TLE7: variants seen among roughly 807,000 people sequenced by gnomAD.
The protein encoded by TLE7 is TLE family member 7.
intron 1 of TLE7, among the ~76,000 whole-genome samples, chr16:71,440,696 C>T (rs2042843901): frequency 6.6e-6 from 1 of 152,282 alleles, no homozygotes; most frequent in African/African-American, 2.4e-5. Context: ...TGTCCCAGCC[C>T]GGAGGCTATG....
rs2042805347 is a variant in TLE7 at position 71,431,836 on chromosome 16, G to A, written c.776C>T (p.Ser259Phe). 2 of 400,700 alleles carry A rather than the reference G, an allele frequency of 5.0e-6. No individual in the cohort carries two copies. The highest frequency in any genetic ancestry group is 2.1e-5 in the African/African-American group (1 of 48,680). 24.8% of individuals were successfully genotyped at this position (400,700 alleles called of 1,614,324 possible). A position where few individuals can be genotyped will look rare whatever the true frequency, so the allele number is the denominator to read the frequency against. ...ACAAGCCAAACAGATATGGGCATCA[G>A]AGGAGACAGCCAGAGAATAGCACGT... ...GPTCYSLAVS[S>F]DAHICLACFH... is the part of the protein sequence containing the mutation. The change falls in exon 6 of 10, where the codon TCT becomes TTT. Residue 259 changes from serine to phenylalanine, a missense_variant. Transcript: ENST00000561754. The surrounding 1 kb of genome is among the most constrained non-coding windows in gnomAD (Gnocchi z 4.5).
intron 1 of TLE7, among the ~76,000 whole-genome samples, chr16:71,435,411 A>AAAAT (rs1440894359): frequency 7.0e-4 from 107 of 151,944 alleles, no homozygotes; most frequent in African/African-American, 2.5e-3. Context: ...ACTCTGTCTC[A>AAAAT]AAATAAATAA....
intron 1 of TLE7, among the ~76,000 whole-genome samples, chr16:71,435,511 T>C (rs1438444779): frequency 1.3e-5 from 2 of 152,230 alleles, no homozygotes; most frequent in Non-Finnish European, 2.9e-5. Flanking sequence ...AACTGCAATG[T>C]TCAGAAAAAT....
chr16:71,434,768 A>C (rs1019021743), intron 1 of TLE7, among the ~76,000 whole-genome samples: 1 of 152,238 alleles, frequency 6.6e-6, no homozygotes, highest in African/African-American at 2.4e-5. Flanking sequence ...CCTGTCCTGC[A>C]TAGCTCTAAA....
At position 71,432,106 on chromosome 16, in the gene TLE7, T is replaced by G; in HGVS notation, c.609+4A>C. The G allele has an allele frequency of 2.5e-6, 1 of 401,206 alleles. No homozygotes were observed. The highest frequency in any genetic ancestry group is 1.3e-4 in the South Asian group (1 of 7,954). 24.9% of individuals were successfully genotyped at this position (401,206 alleles called of 1,614,324 possible). On this transcript the variant is annotated splice_donor_region_variant and intron_variant, in intron 5 of 9. Coordinates refer to ENST00000561754, the MANE Select transcript of TLE7 (RefSeq NM_001367365.2). ...CCCTGAGTCCTGCTTTGGATCTCCC[T>G]CACCTGCAAGTCCAGCTGGGCCCGA...
chr16:71,432,586 G>A (rs2042810416), intron 4 of TLE7, 79 bp downstream of exon 4: 2 of 398,628 alleles, frequency 5.0e-6, no homozygotes, highest in South Asian at 1.3e-4. Flanking sequence ...GGGAGAGAGA[G>A]TGAAAGTGTG....
At chr16:71,438,309 A>G (rs927717784) in intron 1 of TLE7, among the ~76,000 whole-genome samples, 1 of 151,750 alleles carries the variant, frequency 6.6e-6, no homozygotes, top group African/African-American at 2.4e-5. Flanking sequence ...CATGCCTATC[A>G]TCCCAGCTAC....
In TLE7 at chr16:71,430,061, A is replaced by G. The variant is rs2042795444; in HGVS notation, c.*201T>C. On this transcript the variant is annotated 3_prime_UTR_variant, in exon 10 of 10. Coordinates refer to ENST00000561754, the MANE Select transcript of TLE7 (RefSeq NM_001367365.2). ...AAACCCAGAAATCAGTGGTAGGAAG[A>G]TAACAAAGGAAAAAGCTCCAAGCCA... Among the ~76,000 whole-genome samples the G allele has an allele frequency of 6.6e-6, 1 of 152,222 alleles. No homozygotes were observed. The highest frequency in any genetic ancestry group is 2.1e-4 in the South Asian group (1 of 4,832).
At chr16:71,440,147 G>T (rs1351448842) in intron 1 of TLE7, among the ~76,000 whole-genome samples, 1 of 152,192 alleles carries the variant, frequency 6.6e-6, no homozygotes, top group Non-Finnish European at 1.5e-5. Context: ...ATCCACAAAA[G>T]GCCAGTCCTT....
intron 1 of TLE7, among the ~76,000 whole-genome samples, chr16:71,440,477 C>T (rs1445976076): frequency 7.9e-6 from 1 of 127,026 alleles, no homozygotes; most frequent in Non-Finnish European, 1.6e-5. Flanking sequence ...GACTGCGCCT[C>T]AAAAGAAAAA....
At position 71,432,273 on chromosome 16, in the gene TLE7, G is replaced by T. The variant is rs2042808069; in HGVS notation, c.446C>A (p.Ser149Tyr). The T allele has an allele frequency of 2.5e-6, 1 of 400,696 alleles. No homozygotes were observed. Among genetic ancestry groups the T allele is most frequent in the Admixed American group, 4.4e-5 (1 of 22,726 alleles). The allele number at this position is 400,696 out of a possible 1,614,324, so 24.8% of individuals were successfully genotyped here. A position where few individuals can be genotyped will look rare whatever the true frequency, so the allele number is the denominator to read the frequency against. The change falls in exon 5 of 10, where the codon TCC becomes TAC. Residue 149 changes from serine (S) to tyrosine (Y), a missense_variant. Coordinates refer to ENST00000561754, the MANE Select transcript of TLE7 (RefSeq NM_001367365.2). ...ATGGAAGAGTGTGCCAACCTTCCAGGAGCCCTGTGGGGCCCTCTTCTGCCT... is the reference window on the plus strand; with the variant it reads ...ATGGAAGAGTGTGCCAACCTTCCAGTAGCCCTGTGGGGCCCTCTTCTGCCT... ...VVRQKRAPQG[S>Y]WKVGTLFHGK...
At chr16:71,434,679 T>C (rs1185668333) in intron 1 of TLE7, among the ~76,000 whole-genome samples, 1 of 152,182 alleles carries the variant, frequency 6.6e-6, no homozygotes, top group African/African-American at 2.4e-5. Flanking sequence ...CCCCATTTTA[T>C]AGATTTTTTA....
At chr16:71,435,748 C>G (rs1270575500) in intron 1 of TLE7, among the ~76,000 whole-genome samples, 1 of 152,154 alleles carries the variant, frequency 6.6e-6, no homozygotes, top group Admixed American at 6.5e-5. Flanking sequence ...TCATCTCACC[C>G]CAAATGTTGA....
chr16:71,442,031 A>T lies in TLE7; in HGVS notation c.-159T>A, dbSNP rs925386120. 6.6e-6 allele frequency: 1 copy of T among 152,288 alleles called. No individual in the cohort carries two copies. Among genetic ancestry groups the T allele is most frequent in the African/African-American group, 2.4e-5 (1 of 41,396 alleles). The allele number at this position is 152,288 out of a possible 1,614,324, so 9.4% of individuals were successfully genotyped here. A position where few individuals can be genotyped will look rare whatever the true frequency, so the allele number is the denominator to read the frequency against. On this transcript the variant is annotated 5_prime_UTR_variant, in exon 1 of 10. Coordinates refer to ENST00000561754, the MANE Select transcript of TLE7 (RefSeq NM_001367365.2). ...GGACGGAGGCTTGGTGCCGCAGGGC[A>T]GTCGGGAAGGCTTCCTGGAGGCTGG...
chr16:71,432,113 C>T lies in TLE7; in HGVS notation c.606G>A (p.Leu202=), dbSNP rs2042806836. 5.0e-6 allele frequency: 2 copies of T among 401,256 alleles called. No individual in the cohort carries two copies. Among genetic ancestry groups the T allele is most frequent in the Non-Finnish European group, 8.8e-6 (2 of 226,602 alleles). The allele number at this position is 401,256 out of a possible 1,614,324, so 24.9% of individuals were successfully genotyped here. The change falls in exon 5 of 10, where the codon TTG becomes TTA. Residue 202 remains leucine (L), a synonymous_variant. Transcript: ENST00000561754. ...TCCTGCTTTGGATCTCCCTCACCTG[C>T]AAGTCCAGCTGGGCCCGAGGGGCCT... ...GEKAPRAQLD[L]QHPQDRVVTC...
Position 71,430,333 on chromosome 16 carries a change from C to T in TLE7, c.1255G>A (p.Val419Met), listed in dbSNP as rs1376026377. Residue 419 changes from valine to methionine, a missense_variant, in exon 10 of 10, where the codon GTG becomes ATG. By Grantham distance (21) the Val-to-Met change is conservative. Coordinates refer to ENST00000561754, the MANE Select transcript of TLE7 (RefSeq NM_001367365.2). The stretch of plus-strand genomic sequence containing the variant: ...ACCAGATACTGGTTGTCAGAGGACA[C>T]GTCACAGCACAGGATACCTGAAGAC... ...EESSGILCCDVSSDNQYLVMG... is the reference protein window; with the variant it reads ...EESSGILCCDMSSDNQYLVMG... 2 of 398,498 alleles carry T rather than the reference C, an allele frequency of 5.0e-6. No individual in the cohort carries two copies. Among genetic ancestry groups the T allele is most frequent in the African/African-American group, 2.1e-5 (1 of 48,612 alleles). 24.7% of individuals were successfully genotyped at this position (398,498 alleles called of 1,614,324 possible).
chr16:71,441,627 C>T (rs2042848838), intron 1 of TLE7, among the ~76,000 whole-genome samples: 1 of 152,228 alleles, frequency 6.6e-6, no homozygotes, highest in Non-Finnish European at 1.5e-5. Context: ...GCGCGCCGGC[C>T]GCCAGGGGGC....
chr16:71,432,130 G>A lies in TLE7; in HGVS notation c.589C>T (p.Arg197Trp), dbSNP rs2042806905. 12 of 400,936 alleles carry A rather than the reference G, an allele frequency of 3.0e-5. No individual in the cohort carries two copies. Among genetic ancestry groups the A allele is most frequent in the Middle Eastern group, 3.1e-4 (1 of 3,244 alleles). 24.8% of individuals were successfully genotyped at this position (400,936 alleles called of 1,614,324 possible). ...CTCACCTGCAAGTCCAGCTGGGCCC[G>A]AGGGGCCTTCTCCCCCGCATGCAGC... ...SALHAGEKAP[R>W]AQLDLQHPQD... The change falls in exon 5 of 10, where the codon CGG becomes TGG. Residue 197 changes from arginine (R) to tryptophan (W), a missense_variant. Coordinates refer to ENST00000561754, the MANE Select transcript of TLE7 (RefSeq NM_001367365.2).
intron 1 of TLE7, among the ~76,000 whole-genome samples, chr16:71,437,127 T>C: frequency 6.6e-6 from 1 of 152,020 alleles, no homozygotes; most frequent in East Asian, 1.9e-4. Flanking sequence ...GGCAGGTGGA[T>C]CACCTGAGGT....
Sources: gnomAD v4.1 joint callset for allele counts (sites outside exome capture counted in the v4.1 genomes callset) on GRCh38, gnomAD v4.1.1 for gene constraint, Gnocchi (gnomAD v3.1) non-coding constraint, MANE v1.5 for transcripts, NCBI Gene and HGNC (gene_info 2026-07-23, HGNC 2026-07-21) for gene names.